Variants in SGCD observed in about 807,000 individuals in gnomAD.
SGCD encodes the protein sarcoglycan delta, also known as delta-sarcoglycan.
A neutral mutation model predicts 36.6 loss-of-function variants in SGCD; 18 were observed. That is an observed-to-expected ratio of 0.49 (90% CI 0.34 to 0.73). SGCD has a LOEUF of 0.73. Among genes scored for constraint, SGCD ranks in the 30% least tolerant of loss-of-function variants. The pLI is 0.01. For synonymous variants in SGCD, 133 were observed against 130.6 expected (o/e 1.02, Z -0.12); for missense variants, 387 against 346.7 (o/e 1.12, Z -0.92).
At chr5:156,679,122 C>T (rs1023650337) in intron 7 of SGCD, among the ~76,000 whole-genome samples, 2 of 152,150 alleles carry the variant, frequency 1.3e-5, no homozygotes, top group Non-Finnish European at 2.9e-5. Flanking sequence ...TGAGATTATC[C>T]TCTCCTGTAA....
chr5:155,804,049 T>C, the SGCD span, among the ~76,000 whole-genome samples: 1 of 152,192 alleles, frequency 6.6e-6, no homozygotes, highest in African/African-American at 2.4e-5. Flanking sequence ...TTGGCGGAGA[T>C]ACTATGGAGA....
At chr5:155,847,518 G>A in the SGCD span, among the ~76,000 whole-genome samples, 1 of 152,108 alleles carries the variant, frequency 6.6e-6, no homozygotes, top group Admixed American at 6.5e-5. Flanking sequence ...CTATACTCTG[G>A]ACTTGCCTGA....
chr5:155,975,952 TTA>T (rs528333418), intron 1 of SGCD, among the ~76,000 whole-genome samples: 84 of 152,176 alleles, frequency 5.5e-4, no homozygotes, highest in African/African-American at 2.0e-3. Flanking sequence ...TTCATTCTGT[TTA>T]TGTTATAGAT....
chr5:156,599,790 A>G (rs1047790760), intron 6 of SGCD, among the ~76,000 whole-genome samples: 5 of 152,350 alleles, frequency 3.3e-5, no homozygotes. Flanking sequence ...CATGCAGTTG[A>G]GTAATTAAAA....
intron 1 of SGCD, among the ~76,000 whole-genome samples, chr5:155,966,258 T>G (rs1423257951): frequency 6.6e-6 from 1 of 152,098 alleles, no homozygotes; most frequent in Non-Finnish European, 1.5e-5. Context: ...CAACATATAC[T>G]CCAGTCTCAG....
the SGCD span, among the ~76,000 whole-genome samples, chr5:155,811,465 G>C: frequency 6.6e-6 from 1 of 152,308 alleles, no homozygotes; most frequent in Admixed American, 6.5e-5. Context: ...CCATTGTTCA[G>C]AACAGTGCTC....
chr5:156,076,839 T>C (rs972198249), intron 1 of SGCD, among the ~76,000 whole-genome samples: 5 of 152,212 alleles, frequency 3.3e-5, no homozygotes, highest in African/African-American at 1.2e-4. Context: ...GAGACACTTT[T>C]TGATGTGAAT....
At chr5:156,682,562 A>G (rs766921938) in intron 7 of SGCD, among the ~76,000 whole-genome samples, 22 of 152,248 alleles carry the variant, frequency 1.4e-4, no homozygotes, top group Non-Finnish European at 2.9e-4. Context: ...AAGGCAGTAT[A>G]CTTCAGACTT....
chr5:156,355,919 G>T (rs1258626183), intron 3 of SGCD, among the ~76,000 whole-genome samples: 1 of 152,156 alleles, frequency 6.6e-6, no homozygotes, highest in African/African-American at 2.4e-5. Context: ...TGTGATCACT[G>T]GGTCCTCCAT....
chr5:156,636,142 C>A (rs1167235394), intron 6 of SGCD, among the ~76,000 whole-genome samples: 2 of 152,082 alleles, frequency 1.3e-5, no homozygotes, highest in African/African-American at 2.4e-5. Context: ...TTTGACTGCA[C>A]TAAACTGGAG....
chr5:156,342,839 G>A (rs1768736214), intron 2 of SGCD, among the ~76,000 whole-genome samples: 1 of 152,204 alleles, frequency 6.6e-6, no homozygotes, highest in Non-Finnish European at 1.5e-5. Flanking sequence ...GTAGCAGATG[G>A]GAAATCATTC....
chr5:156,385,515 C>G (rs575103906), intron 3 of SGCD, among the ~76,000 whole-genome samples: 1 of 152,168 alleles, frequency 6.6e-6, no homozygotes, highest in Non-Finnish European at 1.5e-5. Context: ...TTCAACAATC[C>G]TCACTGGTAT....
chr5:155,829,972 TAACCA>T, the SGCD span, among the ~76,000 whole-genome samples: 1 of 152,188 alleles, frequency 6.6e-6, no homozygotes, highest in Non-Finnish European at 1.5e-5. Flanking sequence ...ATTATACAAA[TAACCA>T]AAGTAACAAT....
At position 155,885,202 on chromosome 5, in the gene SGCD, A is replaced by G. The variant is rs956863403; in HGVS notation, c.-282+14778A>G. 7.7e-5 allele frequency among the ~76,000 whole-genome samples: 9 copies of G among 116,690 alleles called. 3 individuals carry two copies. The highest frequency in any genetic ancestry group is 1.5e-4 in the Non-Finnish European group (9 of 60,790). The allele number at this position is 116,690 out of a possible 152,430, so 76.6% of individuals were successfully genotyped here. On this transcript the variant is annotated intron_variant, in intron 1 of 9. Transcript: ENST00000517913. ...GTAAACAGCCAATAATTCCTTAGGTACTAGATGTTGTAGGAGGTGCTGAGA... is the reference window on the plus strand; with the variant it reads ...GTAAACAGCCAATAATTCCTTAGGTGCTAGATGTTGTAGGAGGTGCTGAGA...
intron 4 of SGCD, among the ~76,000 whole-genome samples, chr5:156,512,223 G>C (rs1581100242): frequency 6.9e-6 from 1 of 144,240 alleles, no homozygotes; most frequent in African/African-American, 2.5e-5. Context: ...AGGAACAATT[G>C]ACTGTTTTAT....
intron 1 of SGCD, among the ~76,000 whole-genome samples, chr5:155,976,087 T>G (rs577912394): frequency 1.3e-5 from 2 of 152,276 alleles, no homozygotes; most frequent in Admixed American, 1.3e-4. Flanking sequence ...TATATATTTT[T>G]ATGGACATTT....
At chr5:156,071,478 G>A (rs935634296) in intron 1 of SGCD, among the ~76,000 whole-genome samples, 13 of 152,296 alleles carry the variant, frequency 8.5e-5, no homozygotes, top group East Asian at 1.9e-4. Flanking sequence ...TAGTTTGATT[G>A]CACTGTGGTC....
chr5:156,630,641 C>G (rs2113530402), intron 6 of SGCD, among the ~76,000 whole-genome samples: 1 of 152,236 alleles, frequency 6.6e-6, no homozygotes, highest in South Asian at 2.1e-4. Context: ...TCCCTGGTTC[C>G]TTCTATTAAT....
At chr5:155,790,665 G>A in the SGCD span, among the ~76,000 whole-genome samples, 1 of 151,936 alleles carries the variant, frequency 6.6e-6, no homozygotes, top group African/African-American at 2.4e-5. Context: ...TTATAGAATT[G>A]GTATAAAAGA....
Sources: gnomAD v4.1 joint callset for allele counts (sites outside exome capture counted in the v4.1 genomes callset) on GRCh38, gnomAD v4.1.1 for gene constraint, MANE v1.5 for transcripts, NCBI Gene and HGNC (gene_info 2026-07-23, HGNC 2026-07-21) for gene names.